KCND2: variants seen among roughly 807,000 people sequenced by gnomAD.
The protein encoded by KCND2 is A-type voltage-gated potassium channel KCND2.
In KCND2, 16 loss-of-function variants were observed where a neutral mutation model predicts 54.4. The observed-to-expected ratio is 0.29, with a 90% confidence interval of 0.20 to 0.45. KCND2 has a LOEUF of 0.45. KCND2 is among the 20% of genes least tolerant of loss of function. KCND2 has a pLI of 1.00. For synonymous variants in KCND2, 317 were observed against 310.7 expected, an observed-to-expected ratio of 1.02 and a Z score of -0.21; for missense variants, 486 against 824.2, an observed-to-expected ratio of 0.59 and a Z score of 5.02.
chr7:120,610,771 T>C (rs1792944045), intron 1 of KCND2, among the ~76,000 whole-genome samples: 1 of 152,196 alleles, frequency 6.6e-6, no homozygotes, highest in African/African-American at 2.4e-5. Context: ...ACATTCTCTC[T>C]TTTTAAAAAG....
At chr7:120,517,867 G>A (rs967224789) in intron 1 of KCND2, among the ~76,000 whole-genome samples, 5 of 152,088 alleles carry the variant, frequency 3.3e-5, no homozygotes, top group Non-Finnish European at 7.4e-5. Context: ...TGATGTGCTT[G>A]TCATGTAATA....
intron 1 of KCND2, among the ~76,000 whole-genome samples, chr7:120,422,553 C>G (rs1329316663): frequency 6.6e-6 from 1 of 152,130 alleles, no homozygotes. Flanking sequence ...ATTAGCAGCT[C>G]CAATTGCTGA....
At chr7:120,418,624 G>C (rs1801562254) in intron 1 of KCND2, among the ~76,000 whole-genome samples, 1 of 152,106 alleles carries the variant, frequency 6.6e-6, no homozygotes, top group African/African-American at 2.4e-5. Flanking sequence ...TGGCATGGGT[G>C]TTTTTTATTA....
intron 1 of KCND2, among the ~76,000 whole-genome samples, chr7:120,704,386 G>A (rs1420802285): frequency 6.6e-6 from 1 of 151,872 alleles, no homozygotes; most frequent in Admixed American, 6.6e-5. Context: ...TACATCCCTG[G>A]ACTTCAGCTT....
chr7:120,666,116 GCAT>G lies in KCND2; in HGVS notation c.1116-66783_1116-66781del, dbSNP rs773737173. Among the ~76,000 whole-genome samples, 268 of 152,114 alleles carry G rather than the reference GCAT, an allele frequency of 1.8e-3. 5 individuals are homozygous for G. The highest frequency in any genetic ancestry group is 6.9e-4 in the Non-Finnish European group (47 of 67,918). On this transcript the variant is annotated intron_variant, in intron 1 of 5. Coordinates refer to ENST00000331113, the MANE Select transcript of KCND2 (RefSeq NM_012281.3). Reference sequence around the variant, plus strand: ...GTTTGACAAGTATTTACATGTGAGTGCATCATGCCTGTCCAGCATTATATCATG... The same window carrying G: ...GTTTGACAAGTATTTACATGTGAGTGCATGCCTGTCCAGCATTATATCATG...
At chr7:120,635,050 C>G (rs1188824553) in intron 1 of KCND2, among the ~76,000 whole-genome samples, 2 of 152,214 alleles carry the variant, frequency 1.3e-5, no homozygotes, top group African/African-American at 4.8e-5. Context: ...CTTAGCAAGT[C>G]CTTTTCCAGT....
At chr7:120,360,423 C>T (rs1442687819) in intron 1 of KCND2, among the ~76,000 whole-genome samples, 1 of 151,928 alleles carries the variant, frequency 6.6e-6, no homozygotes, top group Non-Finnish European at 1.5e-5. Flanking sequence ...TTGCATATGC[C>T]ATGCTCTTAT....
At chr7:120,401,060 A>G (rs1485341535) in intron 1 of KCND2, among the ~76,000 whole-genome samples, 13 of 152,102 alleles carry the variant, frequency 8.5e-5, no homozygotes, top group Non-Finnish European at 1.8e-4. Context: ...CATGAGTAGA[A>G]GGTAAAAGAC....
At chr7:120,649,205 G>GT (rs1043472912) in intron 1 of KCND2, among the ~76,000 whole-genome samples, 381 of 142,558 alleles carry the variant, frequency 2.7e-3, no homozygotes, top group East Asian at 5.3e-3. Flanking sequence ...ATTTTGTCTT[G>GT]TTTTTTTTTT....
rs1436771228 is a variant in KCND2, at chr7:120,750,312, CAT to C, written c.*2455_*2456del. ...ACCTTTGGAGAATACTTAAATAAAA[CAT>C]GTGCATGCTTGAACAGGACAAAATG... On this transcript the variant is annotated 3_prime_UTR_variant, in exon 6 of 6. Transcript: ENST00000331113. 6.6e-6 allele frequency: 1 copy of C among 152,320 alleles called. No homozygotes were observed. The highest frequency in any genetic ancestry group is 1.5e-5 in the Non-Finnish European group (1 of 67,872). The allele number at this position is 152,320 out of a possible 1,614,324, so 9.4% of individuals were successfully genotyped here. A position where few individuals can be genotyped will look rare whatever the true frequency, so the allele number is the denominator to read the frequency against.
chr7:120,367,971 A>T (rs1034601679), intron 1 of KCND2, among the ~76,000 whole-genome samples: 1 of 152,008 alleles, frequency 6.6e-6, no homozygotes. Context: ...AAGGCCTGGG[A>T]TAGTTGTTTT....
chr7:120,510,722 T>A (rs1309336177), intron 1 of KCND2, among the ~76,000 whole-genome samples: 1 of 151,968 alleles, frequency 6.6e-6, no homozygotes, highest in African/African-American at 2.4e-5. Context: ...ATACTGATTT[T>A]TAGAAGGGTT....
chr7:120,321,542 T>C (rs947687343), intron 1 of KCND2, among the ~76,000 whole-genome samples: 4 of 152,158 alleles, frequency 2.6e-5, no homozygotes, highest in African/African-American at 9.6e-5. Context: ...TGTCCACTTA[T>C]ATTTGAATAT....
intron 1 of KCND2, among the ~76,000 whole-genome samples, chr7:120,516,654 G>GGATC (rs1332750594): frequency 6.6e-6 from 1 of 152,056 alleles, no homozygotes; most frequent in African/African-American, 2.4e-5. Context: ...TGCTGAAAGT[G>GGATC]GATCATATGG....
intron 1 of KCND2, among the ~76,000 whole-genome samples, chr7:120,558,903 G>T (rs939618049): frequency 2.0e-5 from 3 of 152,068 alleles, no homozygotes; most frequent in African/African-American, 7.2e-5. Context: ...GAGATGAATG[G>T]TCCATAGCAT....
intron 1 of KCND2, among the ~76,000 whole-genome samples, chr7:120,391,090 C>T (rs1801070320): frequency 6.6e-6 from 1 of 152,032 alleles, no homozygotes; most frequent in Admixed American, 6.6e-5. Context: ...CCAACAGGCC[C>T]TGGTATGTGA....
At chr7:120,660,191 A>T (rs754260617) in intron 1 of KCND2, among the ~76,000 whole-genome samples, 9 of 152,164 alleles carry the variant, frequency 5.9e-5, no homozygotes, top group Non-Finnish European at 1.2e-4. Context: ...TTGGTAACTG[A>T]TGTCCAAGAA....
chr7:120,487,805 T>C (rs1802715903), intron 1 of KCND2, among the ~76,000 whole-genome samples: 1 of 152,206 alleles, frequency 6.6e-6, no homozygotes, highest in Admixed American at 6.5e-5. Context: ...TTGCCTAGAC[T>C]TCACTTCAGC....
At chr7:120,554,824 A>G (rs1792144435) in intron 1 of KCND2, among the ~76,000 whole-genome samples, 1 of 152,222 alleles carries the variant, frequency 6.6e-6, no homozygotes, top group Non-Finnish European at 1.5e-5. Flanking sequence ...ACTTAGCCAT[A>G]GAATTATACC....
Sources: gnomAD v4.1 joint callset for allele counts (sites outside exome capture counted in the v4.1 genomes callset) on GRCh38, gnomAD v4.1.1 for gene constraint, MANE v1.5 for transcripts, NCBI Gene and HGNC (gene_info 2026-07-23, HGNC 2026-07-21) for gene names.